SLC44A1: variants seen among roughly 807,000 people sequenced by gnomAD.
The protein encoded by SLC44A1 is solute carrier family 44 member 1.
SLC44A1 carries 26 observed loss-of-function variants against 79.3 expected under a neutral mutation model. That is an observed-to-expected ratio of 0.33 (90% CI 0.24 to 0.46). The LOEUF is 0.46. Ranked by LOEUF, SLC44A1 falls within the 20% of genes least tolerant of loss-of-function variation. The pLI, the probability that SLC44A1 is intolerant of heterozygous loss-of-function variation, is 1.00. For synonymous variants in SLC44A1, 263 were observed against 286.2 expected, an observed-to-expected ratio of 0.92 and a Z score of 0.82; for missense variants, 688 against 798.1, an observed-to-expected ratio of 0.86 and a Z score of 1.66.
At chr9:105,306,025 C>T (rs1200469156) in intron 2 of SLC44A1, among the ~76,000 whole-genome samples, 2 of 152,084 alleles carry the variant, frequency 1.3e-5, no homozygotes, top group African/African-American at 4.8e-5. Flanking sequence ...TCTGACCCAC[C>T]ATCCCTGTAT....
chr9:105,390,182 TG>T lies in SLC44A1; in HGVS notation c.*1130del. 8.4e-7 allele frequency: 1 copy of T among 1,183,866 alleles called. No individual in the cohort carries two copies. The highest frequency in any genetic ancestry group is 1.0e-6 in the Non-Finnish European group (1 of 956,036). The allele number at this position is 1,183,866 out of a possible 1,614,324, so 73.3% of individuals were successfully genotyped here. ...TGTTGTTTTTGTTTGGGGGTGGGTT[TG>T]GGGTTTTTTGCTTTTTTATTCCTGA... On this transcript the variant is annotated 3_prime_UTR_variant, in exon 16 of 16. Coordinates refer to ENST00000374720, the MANE Select transcript of SLC44A1 (RefSeq NM_080546.5).
At chr9:105,247,361 G>C (rs1362911668) in intron 1 of SLC44A1, among the ~76,000 whole-genome samples, 1 of 152,226 alleles carries the variant, frequency 6.6e-6, no homozygotes, top group Non-Finnish European at 1.5e-5. Flanking sequence ...GCAGTGGTGC[G>C]ATCTCAGCTC....
Position 105,334,260 on chromosome 9 carries a change from GGTAA to G in SLC44A1, c.270-1300_270-1297del, listed in dbSNP as rs1224445469. The stretch of plus-strand genomic sequence containing the variant: ...ACACATTTTTTTTTTTTTTTCGTTT[GGTAA>G]GTTATACCTGACCTTCATGCCGGGT... On this transcript the variant is annotated intron_variant, in intron 3 of 15. Transcript: ENST00000374720. Among the ~76,000 whole-genome samples the G allele has an allele frequency of 2.8e-5, 4 of 140,506 alleles. No individual in the cohort carries two copies. The Admixed American group carries it at 2.9e-4, about 10-fold the overall frequency. 92.2% of individuals were successfully genotyped at this position (140,506 alleles called of 152,430 possible). A position where few individuals can be genotyped will look rare whatever the true frequency, so the allele number is the denominator to read the frequency against.
intron 3 of SLC44A1, among the ~76,000 whole-genome samples, chr9:105,324,928 T>A (rs918880111): frequency 6.6e-6 from 1 of 152,244 alleles, no homozygotes; most frequent in Non-Finnish European, 1.5e-5. Flanking sequence ...TAGCTGCTCT[T>A]GTAAACAATC....
chr9:105,379,206 C>T (rs1828386119), intron 13 of SLC44A1, among the ~76,000 whole-genome samples: 2 of 152,136 alleles, frequency 1.3e-5, no homozygotes, highest in African/African-American at 4.8e-5. Flanking sequence ...AGCCCAGAGG[C>T]AGAGGCTTCA....
intron 1 of SLC44A1, among the ~76,000 whole-genome samples, chr9:105,261,287 A>G (rs1232486139): frequency 1.3e-5 from 2 of 152,198 alleles, no homozygotes; most frequent in Non-Finnish European, 2.9e-5. Flanking sequence ...TTATTATATA[A>G]GAATGAGGGC....
chr9:105,395,829 G>C lies in SLC44A1; in HGVS notation c.*6773G>C. 1.0e-6 allele frequency: 1 copy of C among 983,828 alleles called. No individual in the cohort carries two copies. The highest frequency in any genetic ancestry group is 1.8e-5 in the African/African-American group (1 of 57,086). 60.9% of individuals were successfully genotyped at this position (983,828 alleles called of 1,614,324 possible). On this transcript the variant is annotated 3_prime_UTR_variant, in exon 16 of 16. Transcript: ENST00000374720. The stretch of plus-strand genomic sequence containing the variant: ...TTGGGCAGATAGAATGGGTTCCATG[G>C]ATCATTCTAGTTGCCACTAGAAAAT...
At chr9:105,375,231 G>C (rs1222875650) in intron 13 of SLC44A1, among the ~76,000 whole-genome samples, 1 of 152,158 alleles carries the variant, frequency 6.6e-6, no homozygotes, top group African/African-American at 2.4e-5. Flanking sequence ...GTAGAGACAG[G>C]GTTTCCCCAT....
intron 12 of SLC44A1, among the ~76,000 whole-genome samples, chr9:105,371,733 A>AG (rs1414707220): frequency 2.0e-5 from 3 of 150,708 alleles, no homozygotes; most frequent in Admixed American, 6.6e-5. Flanking sequence ...AAAAAAAAAA[A>AG]AAAAAAAAGT....
Position 105,389,880 on chromosome 9 carries a change from A to G in SLC44A1, c.*824A>G, listed in dbSNP as rs1175965921. ...GGGGCACCCAGCGAGTTTAGCCTTT[A>G]AGTTTCTGTGTATTGATTTGCAGAT... On this transcript the variant is annotated 3_prime_UTR_variant, in exon 16 of 16. Transcript: ENST00000374720. 5 of 1,507,732 alleles carry G rather than the reference A, an allele frequency of 3.3e-6. No individual in the cohort carries two copies. The African/African-American group carries it at 5.6e-5, about 17-fold the overall frequency. The allele number at this position is 1,507,732 out of a possible 1,614,324, so 93.4% of individuals were successfully genotyped here. A position where few individuals can be genotyped will look rare whatever the true frequency, so the allele number is the denominator to read the frequency against.
At chr9:105,355,959 T>C (rs1827609202) in intron 5 of SLC44A1, 4 of 473,028 alleles carry the variant, frequency 8.5e-6, no homozygotes, top group South Asian at 5.3e-5. Flanking sequence ...GCGTTTCTTT[T>C]CAGAAGGGGC....
intron 1 of SLC44A1, among the ~76,000 whole-genome samples, chr9:105,258,919 G>A (rs1207305342): frequency 6.6e-6 from 1 of 151,256 alleles, no homozygotes; most frequent in Non-Finnish European, 1.5e-5. Flanking sequence ...TGGCCAGGCT[G>A]GTCTCAAATT....
At chr9:105,434,185 C>T (rs1829435034) in intron 15 of SLC44A1, among the ~76,000 whole-genome samples, 1 of 151,866 alleles carries the variant, frequency 6.6e-6, no homozygotes, top group Non-Finnish European at 1.5e-5. Context: ...TAAATAAATA[C>T]AAAAATTAGC....
chr9:105,383,666 C>T (rs1828544270), intron 14 of SLC44A1, among the ~76,000 whole-genome samples: 1 of 152,212 alleles, frequency 6.6e-6, no homozygotes, highest in Non-Finnish European at 1.5e-5. Flanking sequence ...AAACTAGCTT[C>T]TAGCCTTTTC....
intron 1 of SLC44A1, among the ~76,000 whole-genome samples, chr9:105,285,319 GTT>G (rs1443565135): frequency 6.6e-6 from 1 of 152,070 alleles, no homozygotes; most frequent in African/African-American, 2.4e-5. Flanking sequence ...CACTGCAGGT[GTT>G]TTCTTCAAAT....
At chr9:105,256,842 C>G (rs763840863) in intron 1 of SLC44A1, among the ~76,000 whole-genome samples, 3 of 150,438 alleles carry the variant, frequency 2.0e-5, no homozygotes, top group Non-Finnish European at 4.4e-5. Context: ...GGCTGAAGTG[C>G]AGTGGCGTGA....
chr9:105,426,873 C>T (rs7027037), intron 15 of SLC44A1, among the ~76,000 whole-genome samples: 6,524 of 151,632 alleles, frequency 0.043, 455 homozygotes, highest in African/African-American at 0.15. Context: ...ATAATATTCT[C>T]ATGACCCAAA....
chr9:105,255,027 C>T (rs181385766), intron 1 of SLC44A1, among the ~76,000 whole-genome samples: 57 of 150,890 alleles, frequency 3.8e-4, no homozygotes, highest in African/African-American at 1.3e-3. Context: ...ATAATGAGTA[C>T]AATCCACTAA....
intron 3 of SLC44A1, among the ~76,000 whole-genome samples, chr9:105,315,377 T>A (rs1250162364): frequency 6.6e-6 from 1 of 152,006 alleles, no homozygotes; most frequent in African/African-American, 2.4e-5. Context: ...GATTGTTTAA[T>A]AAACAGTGGT....
Sources: allele counts gnomAD v4.1 joint callset (sites outside exome capture counted in the v4.1 genomes callset), GRCh38; gene constraint gnomAD v4.1.1; transcripts MANE v1.5; gene names NCBI Gene and HGNC (gene_info 2026-07-23, HGNC 2026-07-21).